The following DKK2 variants were observed in gnomAD, a reference collection of about 807,000 sequenced individuals.
DKK2 encodes dickkopf Wnt signaling pathway inhibitor 2.
Under a neutral mutation model 28.1 loss-of-function variants are expected in DKK2, and 11 were observed. The observed-to-expected ratio is 0.39, with a 90% confidence interval of 0.25 to 0.65. The LOEUF is 0.65. Among genes scored for constraint, DKK2 ranks in the 30% least tolerant of loss-of-function variants. The probability of loss-of-function intolerance (pLI) is 0.47; values close to 1 mark genes in which losing one functional copy is unlikely to be tolerated. For missense variants in DKK2, 326 were observed against 335.5 expected, an observed-to-expected ratio of 0.97 and a Z score of 0.22; for synonymous variants, 135 against 126.5, an observed-to-expected ratio of 1.07 and a Z score of -0.45.
At chr4:106,936,020 A>C (rs1386536240) in intron 1 of DKK2, among the ~76,000 whole-genome samples, 2 of 152,054 alleles carry the variant, frequency 1.3e-5, no homozygotes, top group African/African-American at 2.4e-5. Context: ...TGGGGAAAAA[A>C]CAGAACAGAA....
At chr4:106,924,418 GT>G (rs1402876273) in intron 3 of DKK2, 126 bp downstream of exon 3, 1 of 1,325,096 alleles carries the variant, frequency 7.5e-7, no homozygotes, top group African/African-American at 1.5e-5. Flanking sequence ...TAAATAACAA[GT>G]TTAATGACTA....
intron 1 of DKK2, among the ~76,000 whole-genome samples, chr4:106,997,976 G>T (rs557959101): frequency 9.9e-5 from 15 of 152,272 alleles, no homozygotes; most frequent in Admixed American, 4.6e-4. Flanking sequence ...ATGTGCAGAT[G>T]CTTAACATCA....
At chr4:106,924,269 A>T (rs1724393205) in intron 3 of DKK2, 65 bp from the exon 4 acceptor site, 1 of 1,567,318 alleles carries the variant, frequency 6.4e-7, no homozygotes, top group Non-Finnish European at 8.6e-7. Context: ...CTATTTTGCA[A>T]TCAGAAGCAC....
intron 1 of DKK2, among the ~76,000 whole-genome samples, chr4:106,987,405 A>G (rs931166095): frequency 6.6e-5 from 10 of 152,156 alleles, no homozygotes; most frequent in Non-Finnish European, 1.3e-4. Flanking sequence ...AAACACTTCA[A>G]TTTCTCTTGC....
At chr4:107,012,318 T>A (rs982408462) in intron 1 of DKK2, among the ~76,000 whole-genome samples, 7 of 151,402 alleles carry the variant, frequency 4.6e-5, no homozygotes, top group African/African-American at 1.4e-4. Flanking sequence ...AGCAACAGTT[T>A]TTTGTAAGTA....
intron 1 of DKK2, among the ~76,000 whole-genome samples, chr4:106,940,552 G>A (rs1233235757): frequency 5.3e-5 from 8 of 150,818 alleles, no homozygotes; most frequent in African/African-American, 9.8e-5. Context: ...TCAGTGTGGC[G>A]ATTCCTCAGG....
At chr4:106,981,957 C>A (rs1413521385) in intron 1 of DKK2, among the ~76,000 whole-genome samples, 1 of 151,998 alleles carries the variant, frequency 6.6e-6, no homozygotes, top group Non-Finnish European at 1.5e-5. Flanking sequence ...TAGGATGATG[C>A]CTCAAATATT....
rs190355093 is a variant in DKK2 at position 106,978,047 on chromosome 4, T to A, written c.223-52098A>T. Among the ~76,000 whole-genome samples, 286 of 152,336 alleles carry A rather than the reference T, an allele frequency of 1.9e-3. 2 individuals carry two copies. The highest frequency in any genetic ancestry group is 6.6e-3 in the African/African-American group (273 of 41,578). The stretch of plus-strand genomic sequence containing the variant: ...TTGGAGGTCCACTCCAGACCCTGTT[T>A]GCCTGGATATCACCAGCAGAGGCTG... On this transcript the variant is annotated intron_variant, in intron 1 of 3. Coordinates refer to ENST00000285311, the MANE Select transcript of DKK2 (RefSeq NM_014421.3).
At chr4:107,014,546 A>T (rs1274032179) in intron 1 of DKK2, among the ~76,000 whole-genome samples, 1 of 151,328 alleles carries the variant, frequency 6.6e-6, no homozygotes, top group East Asian at 1.9e-4. Context: ...AGTTACAGTT[A>T]GATAGGAAGA....
At chr4:106,983,369 A>AAAGAAAGT (rs1723062917) in intron 1 of DKK2, among the ~76,000 whole-genome samples, 1 of 48,270 alleles carries the variant, frequency 2.1e-5, no homozygotes, top group Non-Finnish European at 3.8e-5. Flanking sequence ...AGAAAGAAAG[A>AAAGAAAGT]AGAAAGAAAA....
chr4:107,004,495 C>T (rs920398775), intron 1 of DKK2, among the ~76,000 whole-genome samples: 1 of 152,192 alleles, frequency 6.6e-6, no homozygotes, highest in African/African-American at 2.4e-5. Context: ...GAATTAACTG[C>T]AGATGTAATT....
At chr4:106,957,035 T>C (rs924210377) in intron 1 of DKK2, among the ~76,000 whole-genome samples, 6 of 151,336 alleles carry the variant, frequency 4.0e-5, no homozygotes, top group Admixed American at 1.3e-4. Context: ...GAATCTACAA[T>C]GAACTCAAAC....
intron 1 of DKK2, among the ~76,000 whole-genome samples, chr4:106,941,108 TA>T (rs1259607258): frequency 3.3e-5 from 5 of 151,210 alleles, no homozygotes; most frequent in Non-Finnish European, 3.0e-5. Flanking sequence ...TAAAGTATAA[TA>T]AAAAATAAAA....
intron 1 of DKK2, among the ~76,000 whole-genome samples, chr4:106,974,034 C>G (rs192415204): frequency 1.8e-4 from 27 of 152,186 alleles, no homozygotes; most frequent in Non-Finnish European, 3.7e-4. Context: ...TGTCAAAGAT[C>G]AGATGGTCAT....
At chr4:107,008,386 A>G (rs1723467972) in intron 1 of DKK2, among the ~76,000 whole-genome samples, 1 of 152,054 alleles carries the variant, frequency 6.6e-6, no homozygotes, top group African/African-American at 2.4e-5. Flanking sequence ...TATAATGAGG[A>G]TAAATATGAT....
At chr4:107,022,995 A>G (rs1021714597) in intron 1 of DKK2, among the ~76,000 whole-genome samples, 1 of 152,070 alleles carries the variant, frequency 6.6e-6, no homozygotes, top group Non-Finnish European at 1.5e-5. Context: ...AACATGTTCA[A>G]TTTGAGTTGC....
intron 1 of DKK2, among the ~76,000 whole-genome samples, chr4:107,022,488 T>A (rs1243416053): frequency 6.6e-6 from 1 of 152,154 alleles, no homozygotes; most frequent in Non-Finnish European, 1.5e-5. Context: ...TAAGTAAGAC[T>A]GCTTGGCCTT....
At chr4:106,982,450 G>A (rs951398933) in intron 1 of DKK2, among the ~76,000 whole-genome samples, 5 of 152,064 alleles carry the variant, frequency 3.3e-5, no homozygotes, top group Admixed American at 2.0e-4. Context: ...TGGTGAATCC[G>A]GGCTGCTAGT....
intron 1 of DKK2, among the ~76,000 whole-genome samples, chr4:106,983,353 AAAGAAAGAAAGAAAG>A (rs1176112815): frequency 1.2e-4 from 17 of 139,482 alleles, no homozygotes; most frequent in African/African-American, 3.9e-4. Context: ...AGAAAGAAAG[AAAGAAAGAAAGAAAG>A]AAGAAAGAAA....
Sources: allele counts gnomAD v4.1 joint callset (sites outside exome capture counted in the v4.1 genomes callset), GRCh38; gene constraint gnomAD v4.1.1; transcripts MANE v1.5; gene names NCBI Gene and HGNC (gene_info 2026-07-23, HGNC 2026-07-21).